Variants in MSMB observed in about 807,000 individuals in gnomAD.
MSMB encodes beta-microseminoprotein.
MSMB carries 10 observed loss-of-function variants against 10.5 expected under a neutral mutation model. The observed-to-expected ratio is 0.95, with a 90% CI of 0.59 to 1.62. The LOEUF is 1.62. Among genes scored for constraint, MSMB ranks in the 40% most tolerant of loss-of-function variants. The pLI, the probability that MSMB is intolerant of heterozygous loss-of-function variation, is 0.00. For synonymous variants in MSMB, 43 were observed against 46.5 expected (o/e 0.93, Z 0.30); for missense variants, 126 against 137.4 (o/e 0.92, Z 0.42).
At chr10:46,037,967 T>A (rs1358833970) in intron 3 of MSMB, among the ~76,000 whole-genome samples, 1 of 152,144 alleles carries the variant, frequency 6.6e-6, no homozygotes, top group Non-Finnish European at 1.5e-5. Flanking sequence ...GATGCAAGCG[T>A]CAACACAGAT....
At chr10:46,036,107 T>C in intron 3 of MSMB, among the ~76,000 whole-genome samples, 1 of 152,238 alleles carries the variant, frequency 6.6e-6, no homozygotes, top group East Asian at 1.9e-4. Flanking sequence ...CACTCCCTTT[T>C]CCTCACCCAA....
chr10:46,039,200 A>T, intron 2 of MSMB, 129 bp from the exon 3 acceptor site: 1 of 762,750 alleles, frequency 1.3e-6, no homozygotes, highest in Non-Finnish European at 2.2e-6. Context: ...TTTTAAAGGT[A>T]TCTAAGAATG....
chr10:46,036,795 G>A (rs540331736), intron 3 of MSMB, among the ~76,000 whole-genome samples: 1 of 152,286 alleles, frequency 6.6e-6, no homozygotes, highest in Admixed American at 6.5e-5. Context: ...AAGAGGGCAG[G>A]GATGCCAAAT....
chr10:46,042,012 A>G (rs1387732373), intron 1 of MSMB, among the ~76,000 whole-genome samples: 1 of 152,210 alleles, frequency 6.6e-6, no homozygotes, highest in Non-Finnish European at 1.5e-5. Context: ...AAAAAAAGTT[A>G]ATTTCCTATT....
chr10:46,043,428 C>T (rs1294182749), intron 1 of MSMB, among the ~76,000 whole-genome samples: 1 of 136,328 alleles, frequency 7.3e-6, no homozygotes, highest in African/African-American at 3.0e-5. Context: ...TCCCTCCCTC[C>T]CTTTCTGTCT....
At chr10:46,033,677 C>T (rs1347750452) in intron 3 of MSMB, 126 bp from the exon 4 acceptor site, 1 of 1,400,424 alleles carries the variant, frequency 7.1e-7, no homozygotes, top group African/African-American at 1.4e-5. Context: ...GCTGGCAGCC[C>T]CAGAGTGTGA....
At chr10:46,039,895 A>G in intron 2 of MSMB, 91 bp downstream of exon 2, 1 of 993,456 alleles carries the variant, frequency 1.0e-6, no homozygotes, top group East Asian at 2.5e-5. Flanking sequence ...ACAAAGAAAC[A>G]AACAAACAGA....
intron 1 of MSMB, among the ~76,000 whole-genome samples, chr10:46,044,575 GAAAAAAAAAAAA>G (rs56061175): frequency 6.0e-4 from 23 of 38,530 alleles, no homozygotes; most frequent in African/African-American, 1.3e-3. Context: ...CTCCGTCTCA[GAAAAAAAAAAAA>G]AAAAAAAAAA....
chr10:46,039,190 T>C, intron 2 of MSMB, 119 bp from the exon 3 acceptor site: 6 of 826,800 alleles, frequency 7.3e-6, no homozygotes, highest in Non-Finnish European at 1.2e-5. Flanking sequence ...AGCTCAATTA[T>C]TTTAAAGGTA....
intron 1 of MSMB, among the ~76,000 whole-genome samples, chr10:46,044,698 T>G (rs2132426927): frequency 6.8e-6 from 1 of 147,216 alleles, no homozygotes; most frequent in African/African-American, 2.5e-5. Context: ...ACACCTGTAA[T>G]CCCAGCACTT....
chr10:46,033,506 G>A lies in MSMB; in HGVS notation c.261C>T (p.Ile87=). The change falls in exon 4 of 4, where the codon ATC becomes ATT. Residue 87 remains isoleucine (I), a synonymous_variant. Transcript: ENST00000582163. ...VGYDKDNCQR[I]FKKEDCKYIV... ...TATACTTGCAGTCCTCCTTCTTGAAGATTCTTTGGCAGTTGTCTTTGTCAT... is the reference window on the plus strand; with the variant it reads ...TATACTTGCAGTCCTCCTTCTTGAAAATTCTTTGGCAGTTGTCTTTGTCAT... The A allele has an allele frequency of 1.9e-6, 3 of 1,613,842 alleles. No individual in the cohort carries two copies. The highest frequency in any genetic ancestry group is 2.5e-6 in the Non-Finnish European group (3 of 1,179,794).
At chr10:46,041,524 T>G (rs1840753851) in intron 1 of MSMB, among the ~76,000 whole-genome samples, 1 of 152,138 alleles carries the variant, frequency 6.6e-6, no homozygotes, top group Non-Finnish European at 1.5e-5. Flanking sequence ...GAGGGCACAG[T>G]GTCTCAATTC....
At chr10:46,040,138 G>GATAATCCTTGACTGAGTGCTGTGTACC in intron 1 of MSMB, 47 bp from the exon 2 acceptor site, 1 of 1,519,166 alleles carries the variant, frequency 6.6e-7, no homozygotes, top group East Asian at 2.3e-5. Context: ...TAATTCAAAG[G>GATAATCCTTGACTGAGTGCTGTGTACC]ATAATCCTTG....
At position 46,043,117 on chromosome 10, in the gene MSMB, T is replaced by C. The variant is rs145824295; in HGVS notation, c.4-3026A>G. ...CCAGCCTTGTTGACAGCATTTTTAC[T>C]CCCTTCATGCAGAAAGAGGGCTCCT... On this transcript the variant is annotated intron_variant, in intron 1 of 3. Coordinates refer to ENST00000582163, the MANE Select transcript of MSMB (RefSeq NM_002443.4). 8.5e-5 allele frequency among the ~76,000 whole-genome samples: 13 copies of C among 152,214 alleles called. No homozygotes were observed. The East Asian group carries it at 2.3e-3, about 27-fold the overall frequency.
At chr10:46,035,078 G>A (rs880000791) in intron 3 of MSMB, among the ~76,000 whole-genome samples, 3 of 152,014 alleles carry the variant, frequency 2.0e-5, no homozygotes, top group Non-Finnish European at 4.4e-5. Context: ...TTTCTCTTAT[G>A]CTTCCCAATG....
intron 1 of MSMB, among the ~76,000 whole-genome samples, chr10:46,042,970 C>T (rs1840785685): frequency 6.6e-6 from 1 of 152,136 alleles, no homozygotes; most frequent in South Asian, 2.1e-4. Flanking sequence ...TTAAAAATGA[C>T]ACAACGCCTT....
chr10:46,042,156 A>T (rs1327534631), intron 1 of MSMB, among the ~76,000 whole-genome samples: 11 of 152,218 alleles, frequency 7.2e-5, no homozygotes, highest in African/African-American at 2.4e-4. Flanking sequence ...TTGAGAATAT[A>T]AACGTCATAA....
In MSMB at chr10:46,040,094, G is replaced by A; in HGVS notation, c.4-3C>T. On this transcript the variant is annotated splice_region_variant and splice_polypyrimidine_tract_variant and intron_variant, in intron 1 of 3. Coordinates refer to ENST00000582163, the MANE Select transcript of MSMB (RefSeq NM_002443.4). ...ACAACGCTGCCCAGGAGAACATTCT[G>A]TAATGTGAAGAAAGGTCAGGGTGGA... The A allele has an allele frequency of 2.5e-6, 4 of 1,612,236 alleles. No homozygotes were observed. The highest frequency in any genetic ancestry group is 2.2e-5 in the East Asian group (1 of 44,858).
intron 2 of MSMB, 130 bp from the exon 3 acceptor site, chr10:46,039,201 T>G: frequency 5.3e-6 from 4 of 759,098 alleles, no homozygotes; most frequent in Non-Finnish European, 8.9e-6. Flanking sequence ...TTTAAAGGTA[T>G]CTAAGAATGG....
Sources: allele counts gnomAD v4.1 joint callset (sites outside exome capture counted in the v4.1 genomes callset), GRCh38; gene constraint gnomAD v4.1.1; transcripts MANE v1.5; gene names NCBI Gene and HGNC (gene_info 2026-07-23, HGNC 2026-07-21).